The following CCDC174 variants were observed in gnomAD, a reference collection of about 807,000 sequenced individuals.
CCDC174 encodes the protein coiled-coil domain-containing protein 174.
CCDC174 carries 37 observed loss-of-function variants against 57.1 expected under a neutral mutation model. The ratio of observed to expected loss-of-function variants is 0.65; its 90% confidence interval spans 0.50 to 0.85. The LOEUF (loss-of-function observed/expected upper bound fraction) is 0.85. Ranked by LOEUF, CCDC174 falls within the 40% of genes least tolerant of loss-of-function variation. The pLI is 0.00. For synonymous variants in CCDC174, 182 were observed against 190.2 expected, an observed-to-expected ratio of 0.96 and a Z score of 0.35; for missense variants, 540 against 574.3, an observed-to-expected ratio of 0.94 and a Z score of 0.61.
chr3:14,662,657 T>C (rs2031180972), intron 5 of CCDC174, among the ~76,000 whole-genome samples: 1 of 152,240 alleles, frequency 6.6e-6, no homozygotes, highest in Non-Finnish European at 1.5e-5. Flanking sequence ...CTCTTGCCTT[T>C]GGGATTCTTC....
intron 7 of CCDC174, 29 bp from the exon 8 acceptor site, chr3:14,667,392 CTGA>C: frequency 6.5e-7 from 1 of 1,543,326 alleles, no homozygotes; most frequent in Non-Finnish European, 9.0e-7. Context: ...TCAGGACAGT[CTGA>C]TCTTTTGGGT....
intron 9 of CCDC174, among the ~76,000 whole-genome samples, chr3:14,669,680 C>T (rs187163808): frequency 1.3e-5 from 2 of 152,268 alleles, no homozygotes; most frequent in East Asian, 3.9e-4. Flanking sequence ...TCACTTTCTA[C>T]CTGTGTACCA....
intron 3 of CCDC174, among the ~76,000 whole-genome samples, chr3:14,658,597 C>T (rs1009500175): frequency 1.3e-5 from 2 of 152,228 alleles, no homozygotes; most frequent in Non-Finnish European, 2.9e-5. Context: ...TGAGAACCTA[C>T]TGTGTGCCAA....
intron 5 of CCDC174, 91 bp from the exon 6 acceptor site, chr3:14,664,937 A>G: frequency 1.1e-6 from 1 of 885,394 alleles, no homozygotes; most frequent in Non-Finnish European, 1.9e-6. Flanking sequence ...AGTGAGGCCT[A>G]TCTTCCCCCT....
At position 14,671,218 on chromosome 3, in the gene CCDC174, G is replaced by A. The variant is rs1437203124; in HGVS notation, c.*24G>A. ...GATCTTTCAAAGCACGCTGACTTGGGTTTGTACTTTGACAGTGCCTTTCTC... is the reference window on the plus strand; with the variant it reads ...GATCTTTCAAAGCACGCTGACTTGGATTTGTACTTTGACAGTGCCTTTCTC... On this transcript the variant is annotated 3_prime_UTR_variant, in exon 11 of 11. Coordinates refer to ENST00000383794, the MANE Select transcript of CCDC174 (RefSeq NM_016474.5). The A allele has an allele frequency of 3.2e-6, 5 of 1,586,652 alleles. No individual in the cohort carries two copies. Among genetic ancestry groups the A allele is most frequent in the African/African-American group, 2.7e-5 (2 of 74,444 alleles).
rs777446278 is a variant in CCDC174 at position 14,661,672 on chromosome 3, A to C, written c.450A>C (p.Gly150=). ...ACGATGAGGAAAACCTTCCTGAGGGAGAGATCCCTCCTCCCCAAGACCCCA... is the reference window on the plus strand; with the variant it reads ...ACGATGAGGAAAACCTTCCTGAGGGCGAGATCCCTCCTCCCCAAGACCCCA... ...RDDDEENLPE[G]EIPPPQDPSE... is the part of the protein sequence containing the mutation. Residue 150 remains glycine (G), a synonymous_variant, in exon 5 of 11, where the codon GGA becomes GGC. Coordinates refer to ENST00000383794, the MANE Select transcript of CCDC174 (RefSeq NM_016474.5). 1 of 1,614,096 alleles carries C rather than the reference A, an allele frequency of 6.2e-7. No individual in the cohort carries two copies. Among genetic ancestry groups the C allele is most frequent in the Non-Finnish European group, 8.5e-7 (1 of 1,179,970 alleles).
rs202240208 is a variant in CCDC174 at position 14,651,835 on chromosome 3, C to T, written c.-2C>T. 6.2e-7 allele frequency: 1 copy of T among 1,614,020 alleles called. No individual in the cohort carries two copies. Among genetic ancestry groups the T allele is most frequent in the Non-Finnish European group, 8.5e-7 (1 of 1,179,970 alleles). On this transcript the variant is annotated 5_prime_UTR_variant, in exon 1 of 11. Transcript: ENST00000383794. The stretch of plus-strand genomic sequence containing the variant: ...CCTGGACCGGGACCCTCTGCCACGA[C>T]CATGGACCGTAGGAAAAAGCCTTTG...
intron 2 of CCDC174, 110 bp from the exon 3 acceptor site, chr3:14,655,419 T>C (rs931918908): frequency 3.1e-6 from 2 of 636,488 alleles, no homozygotes; most frequent in African/African-American, 1.9e-5. Flanking sequence ...GTTATCTCCA[T>C]TGATTCATAA....
At chr3:14,668,285 AT>A in intron 9 of CCDC174, 104 bp downstream of exon 9, 1 of 1,166,330 alleles carries the variant, frequency 8.6e-7, no homozygotes, top group Non-Finnish European at 1.2e-6. Flanking sequence ...TTAGTTTTAT[AT>A]TTAAGCAAAC....
At chr3:14,657,420 G>A (rs543993817) in intron 3 of CCDC174, among the ~76,000 whole-genome samples, 1 of 152,330 alleles carries the variant, frequency 6.6e-6, no homozygotes, top group East Asian at 1.9e-4. Context: ...GGCACTTAGA[G>A]GTTGCAGGCA....
chr3:14,661,920 C>T (rs1181109115), intron 5 of CCDC174: 1 of 490,148 alleles, frequency 2.0e-6, no homozygotes, highest in Non-Finnish European at 3.6e-6. Flanking sequence ...ACAATAATTA[C>T]ATATAATTAC....
At chr3:14,661,362 C>T (rs1344569746) in intron 4 of CCDC174, among the ~76,000 whole-genome samples, 168 bp from the exon 5 acceptor site, 1 of 152,080 alleles carries the variant, frequency 6.6e-6, no homozygotes, top group East Asian at 1.9e-4. Flanking sequence ...TAGTATATGT[C>T]AGTTCCCAAG....
chr3:14,661,308 A>G (rs1344894183), intron 4 of CCDC174, among the ~76,000 whole-genome samples: 1 of 151,364 alleles, frequency 6.6e-6, no homozygotes, highest in African/African-American at 2.4e-5. Flanking sequence ...TAGTGTATTG[A>G]TGAGGCAATA....
intron 9 of CCDC174, among the ~76,000 whole-genome samples, chr3:14,669,138 G>T (rs1225797684): frequency 6.6e-6 from 1 of 152,160 alleles, no homozygotes; most frequent in Non-Finnish European, 1.5e-5. Flanking sequence ...CAGCAAGGTG[G>T]CCACATGCTC....
chr3:14,653,665 C>T (rs2030852213), intron 1 of CCDC174, among the ~76,000 whole-genome samples: 1 of 152,144 alleles, frequency 6.6e-6, no homozygotes, highest in African/African-American at 2.4e-5. Context: ...TAATATTCAC[C>T]CAACTGCCCC....
chr3:14,661,529 G>A lies in CCDC174; in HGVS notation c.308-1G>A, dbSNP rs1307413842. On this transcript the variant is annotated splice_acceptor_variant, in intron 4 of 10. Transcript: ENST00000383794. LOFTEE classifies it high-confidence loss of function. ...TCTGAAAACTGATTTTTATGTCCTA[G>A]ATGAAGAAGTAGAGGATATGTACCT... 6.3e-7 allele frequency: 1 copy of A among 1,593,830 alleles called. No individual in the cohort carries two copies. The highest frequency in any genetic ancestry group is 8.5e-7 in the Non-Finnish European group (1 of 1,173,242).
At chr3:14,670,780 C>A in intron 10 of CCDC174, 116 bp from the exon 11 acceptor site, 2 of 889,380 alleles carry the variant, frequency 2.2e-6, no homozygotes, top group Non-Finnish European at 3.4e-6. Context: ...CATTCTTATT[C>A]TTTGGATAAT....
At chr3:14,652,856 C>A (rs1055654775) in intron 1 of CCDC174, among the ~76,000 whole-genome samples, 1 of 145,036 alleles carries the variant, frequency 6.9e-6, no homozygotes, top group Non-Finnish European at 1.5e-5. Context: ...GAGCCGAGAT[C>A]GCGCAATTGC....
intron 3 of CCDC174, 54 bp from the exon 4 acceptor site, chr3:14,658,817 C>T: frequency 2.0e-6 from 3 of 1,512,796 alleles, no homozygotes; most frequent in East Asian, 2.4e-5. Context: ...GTGGGGGCAA[C>T]CAGGATGAAC....
Sources: gnomAD v4.1 joint callset for allele counts (sites outside exome capture counted in the v4.1 genomes callset) on GRCh38, gnomAD v4.1.1 for gene constraint, MANE v1.5 for transcripts, NCBI Gene and HGNC (gene_info 2026-07-23, HGNC 2026-07-21) for gene names.